Variants in CSMD1 observed in about 807,000 individuals in gnomAD.
CSMD1 encodes the protein CUB and sushi domain-containing protein 1.
CSMD1 carries 213 observed loss-of-function variants against 417.5 expected under a neutral mutation model. That is an observed-to-expected ratio of 0.51 (90% confidence interval 0.46 to 0.57). CSMD1 has a LOEUF of 0.57. Among genes scored for constraint, CSMD1 ranks in the 20% least tolerant of loss-of-function variants. CSMD1 has a pLI of 0.00. For missense variants in CSMD1, 6,923 were observed against 4,529.7 expected, an observed-to-expected ratio of 1.53 and a Z score of -15.17; for synonymous variants, 2,862 against 1,736.8, an observed-to-expected ratio of 1.65 and a Z score of -16.11.
chr8:4,803,840 ATG>A (rs1469903669), intron 1 of CSMD1, among the ~76,000 whole-genome samples: 1 of 152,136 alleles, frequency 6.6e-6, no homozygotes, highest in Non-Finnish European at 1.5e-5. Context: ...CACAGTAATT[ATG>A]TGTGTGTTAC....
At chr8:4,104,763 T>C (rs577405961) in intron 3 of CSMD1, among the ~76,000 whole-genome samples, 58 of 152,280 alleles carry the variant, frequency 3.8e-4, no homozygotes, top group African/African-American at 1.3e-3. Flanking sequence ...CAATCCGGCT[T>C]TCCGTTTCCC....
chr8:3,635,863 T>C (rs1303087997), intron 7 of CSMD1, among the ~76,000 whole-genome samples: 1 of 150,814 alleles, frequency 6.6e-6, no homozygotes, highest in Non-Finnish European at 1.5e-5. Flanking sequence ...CTTAGGTTAC[T>C]CTACATTTGT....
chr8:3,045,580 A>T (rs530752704), intron 50 of CSMD1, among the ~76,000 whole-genome samples: 2 of 152,264 alleles, frequency 1.3e-5, no homozygotes, highest in South Asian at 4.1e-4. Context: ...ACCTATGGTG[A>T]CCCCATCACC....
At chr8:3,298,973 A>G (rs1804177705) in intron 25 of CSMD1, among the ~76,000 whole-genome samples, 1 of 152,214 alleles carries the variant, frequency 6.6e-6, no homozygotes, top group African/African-American at 2.4e-5. Context: ...GCTTACACAG[A>G]AAAACAAACA....
chr8:3,488,362 C>A (rs1818178180), intron 11 of CSMD1, among the ~76,000 whole-genome samples: 1 of 152,122 alleles, frequency 6.6e-6, no homozygotes, highest in African/African-American at 2.4e-5. Context: ...CCCTCCTCGG[C>A]TTCCCAAAGT....
chr8:4,669,416 T>C (rs906063395), intron 1 of CSMD1, among the ~76,000 whole-genome samples: 2 of 152,212 alleles, frequency 1.3e-5, no homozygotes, highest in African/African-American at 4.8e-5. Context: ...TTTGAGAAAA[T>C]AGTTGTAGTT....
chr8:4,220,587 G>C (rs948504395), intron 3 of CSMD1, among the ~76,000 whole-genome samples: 6 of 152,184 alleles, frequency 3.9e-5, no homozygotes, highest in African/African-American at 1.4e-4. Flanking sequence ...GCTTTTCCTA[G>C]AGTGATAAGG....
intron 1 of CSMD1, among the ~76,000 whole-genome samples, chr8:4,810,053 A>G (rs1357638050): frequency 3.9e-5 from 6 of 152,246 alleles, no homozygotes; most frequent in African/African-American, 1.4e-4. Context: ...AATGTTATAC[A>G]AAAATACCAG....
At chr8:3,435,501 G>A (rs1192759672) in intron 12 of CSMD1, among the ~76,000 whole-genome samples, 1 of 151,974 alleles carries the variant, frequency 6.6e-6, no homozygotes. Context: ...GGGCATTCCT[G>A]AAGCCCACTC....
intron 25 of CSMD1, among the ~76,000 whole-genome samples, chr8:3,303,340 A>C (rs913906641): frequency 3.9e-5 from 6 of 152,078 alleles, no homozygotes; most frequent in Non-Finnish European, 8.8e-5. Flanking sequence ...GTGCAATTTC[A>C]CTCTAATCTC....
intron 2 of CSMD1, among the ~76,000 whole-genome samples, chr8:4,577,772 T>C (rs1238237452): frequency 2.0e-5 from 3 of 152,186 alleles, no homozygotes; most frequent in Non-Finnish European, 2.9e-5. Context: ...TGTCCTTAAC[T>C]GAAAGCTCAT....
chr8:3,163,542 G>A (rs1004798961), intron 37 of CSMD1, among the ~76,000 whole-genome samples: 1 of 151,730 alleles, frequency 6.6e-6, no homozygotes, highest in Non-Finnish European at 1.5e-5. Flanking sequence ...GCTCTGCCCT[G>A]AAGCCAGTCA....
At chr8:4,490,791 C>A (rs1431242577) in intron 2 of CSMD1, among the ~76,000 whole-genome samples, 1 of 152,182 alleles carries the variant, frequency 6.6e-6, no homozygotes, top group African/African-American at 2.4e-5. Flanking sequence ...CATATTAATT[C>A]AGTTCTAGGT....
intron 54 of CSMD1, among the ~76,000 whole-genome samples, chr8:2,981,615 T>C (rs1805431247): frequency 6.6e-6 from 1 of 152,090 alleles, no homozygotes; most frequent in Non-Finnish European, 1.5e-5. Flanking sequence ...AACACTGATG[T>C]CTTATATACA....
At chr8:3,340,635 G>T (rs971498755) in intron 23 of CSMD1, among the ~76,000 whole-genome samples, 1 of 152,080 alleles carries the variant, frequency 6.6e-6, no homozygotes, top group African/African-American at 2.4e-5. Context: ...CATCTTTTTG[G>T]AATAAATATT....
chr8:4,330,683 G>C (rs764816325), intron 3 of CSMD1, among the ~76,000 whole-genome samples: 1 of 151,916 alleles, frequency 6.6e-6, no homozygotes, highest in Non-Finnish European at 1.5e-5. Context: ...TACACTCCTA[G>C]GTGTTTGCTC....
Position 3,885,221 on chromosome 8 carries a change from G to A in CSMD1, c.818+112682C>T, listed in dbSNP as rs191364547. 6.7e-3 allele frequency among the ~76,000 whole-genome samples: 1,018 copies of A among 152,078 alleles called. 13 individuals carry two copies. Among genetic ancestry groups the A allele is most frequent in the African/African-American group, 0.024 (985 of 41,400 alleles). On this transcript the variant is annotated intron_variant, in intron 5 of 69. Transcript: ENST00000635120. ...GAAAAGTGGAAGATCCCTTATGGGA[G>A]ACTATTTATTAGTGTTCACAGAAAA... is the stretch of plus-strand genomic sequence containing the variant.
intron 5 of CSMD1, among the ~76,000 whole-genome samples, chr8:3,852,258 C>A (rs1803962398): frequency 6.6e-6 from 1 of 152,028 alleles, no homozygotes; most frequent in Non-Finnish European, 1.5e-5. Flanking sequence ...AGGTGGTAAC[C>A]ATCCTGTAGG....
intron 5 of CSMD1, among the ~76,000 whole-genome samples, chr8:3,971,500 C>G (rs565486022): frequency 9.0e-4 from 137 of 152,256 alleles, no homozygotes; most frequent in Non-Finnish European, 1.5e-3. Flanking sequence ...TGTGATAAAT[C>G]AGAACTCCCG....
Sources: gnomAD v4.1 joint callset for allele counts (sites outside exome capture counted in the v4.1 genomes callset) on GRCh38, gnomAD v4.1.1 for gene constraint, MANE v1.5 for transcripts, NCBI Gene and HGNC (gene_info 2026-07-23, HGNC 2026-07-21) for gene names.